Variants in CTNNA3 observed in about 807,000 individuals in gnomAD.
CTNNA3 encodes catenin alpha 3.
In CTNNA3, 76 loss-of-function variants were observed where a neutral mutation model predicts 95.7. That is an observed-to-expected ratio of 0.79 (90% CI 0.66 to 0.96). The LOEUF (loss-of-function observed/expected upper bound fraction) is 0.96. Ranked by LOEUF, CTNNA3 falls within the 40% of genes least tolerant of loss-of-function variation. The probability of loss-of-function intolerance (pLI) is 0.00; values close to 1 mark genes in which losing one functional copy is unlikely to be tolerated. For synonymous variants in CTNNA3, 431 were observed against 374.4 expected (o/e 1.15, Z -1.74); for missense variants, 1,191 against 1,089.8 (o/e 1.09, Z -1.31).
chr10:66,048,687 G>GGAGGC (rs1376191428), intron 15 of CTNNA3, among the ~76,000 whole-genome samples: 2 of 152,116 alleles, frequency 1.3e-5, no homozygotes, highest in African/African-American at 4.8e-5. Flanking sequence ...CATGAACCTG[G>GGAGGC]GAGGCAGAGC....
chr10:66,449,587 T>C (rs2093448766), intron 11 of CTNNA3, among the ~76,000 whole-genome samples: 1 of 152,114 alleles, frequency 6.6e-6, no homozygotes, highest in African/African-American at 2.4e-5. Context: ...GAAAGCTTTT[T>C]CAATTCCAGG....
intron 1 of CTNNA3, among the ~76,000 whole-genome samples, chr10:67,749,879 G>C (rs1432508269): frequency 2.6e-5 from 4 of 152,094 alleles, no homozygotes; most frequent in Non-Finnish European, 5.9e-5. Context: ...TCCAGGAGCT[G>C]GTTTTTTGAA....
chr10:67,533,051 C>T (rs569025977), intron 4 of CTNNA3, among the ~76,000 whole-genome samples: 6 of 152,206 alleles, frequency 3.9e-5, no homozygotes, highest in Non-Finnish European at 5.9e-5. Flanking sequence ...AAGGTGGGCA[C>T]GGTGGCGGAC....
chr10:66,186,761 G>A (rs1006495057), intron 13 of CTNNA3, among the ~76,000 whole-genome samples: 1 of 152,054 alleles, frequency 6.6e-6, no homozygotes, highest in African/African-American at 2.4e-5. Context: ...ATTTGGTGTC[G>A]TTGTGGGCAG....
chr10:66,051,242 C>A (rs760858434), intron 15 of CTNNA3, among the ~76,000 whole-genome samples: 3 of 152,142 alleles, frequency 2.0e-5, no homozygotes, highest in African/African-American at 7.2e-5. Flanking sequence ...GAAATTGAGT[C>A]CAAATTCAGA....
intron 11 of CTNNA3, among the ~76,000 whole-genome samples, chr10:66,404,165 A>C (rs2093039996): frequency 6.6e-6 from 1 of 151,970 alleles, no homozygotes; most frequent in Admixed American, 6.6e-5. Flanking sequence ...ACTCAGAGGC[A>C]GACTCAGTAC....
intron 5 of CTNNA3, among the ~76,000 whole-genome samples, chr10:67,245,630 C>T (rs556098554): frequency 6.6e-5 from 10 of 152,152 alleles, no homozygotes; most frequent in East Asian, 1.9e-4. Context: ...GAGGCCGAGG[C>T]GGGCGGATCA....
chr10:66,477,767 T>C lies in CTNNA3; in HGVS notation c.1531+42850A>G, dbSNP rs781474792. On this transcript the variant is annotated intron_variant, in intron 11 of 17. Coordinates refer to ENST00000433211, the MANE Select transcript of CTNNA3 (RefSeq NM_013266.4). ...GCCCTTCATATCACAAATACTCACATAAAATATTTGTTAGATAAATTATGG... is the reference window on the plus strand; with the variant it reads ...GCCCTTCATATCACAAATACTCACACAAAATATTTGTTAGATAAATTATGG... 1.8e-4 allele frequency among the ~76,000 whole-genome samples: 27 copies of C among 152,158 alleles called. 1 individual carries two copies. Among genetic ancestry groups the C allele is most frequent in the Non-Finnish European group, 2.5e-4 (17 of 67,958 alleles).
chr10:66,224,992 A>G (rs1384405024), intron 13 of CTNNA3, among the ~76,000 whole-genome samples: 1 of 152,256 alleles, frequency 6.6e-6, no homozygotes, highest in African/African-American at 2.4e-5. Context: ...ATGAAATCAG[A>G]ATAATTATAT....
At chr10:67,153,383 T>C (rs1270471694) in intron 7 of CTNNA3, among the ~76,000 whole-genome samples, 3 of 152,254 alleles carry the variant, frequency 2.0e-5, no homozygotes, top group African/African-American at 7.2e-5. Context: ...AAGCCTCTCA[T>C]GTGATAATAA....
At chr10:67,196,918 G>A (rs1863398339) in intron 6 of CTNNA3, among the ~76,000 whole-genome samples, 1 of 151,976 alleles carries the variant, frequency 6.6e-6, no homozygotes, top group African/African-American at 2.4e-5. Flanking sequence ...GTGTTTACAT[G>A]TTTGTGTTTT....
intron 9 of CTNNA3, among the ~76,000 whole-genome samples, chr10:66,662,902 A>G (rs1347886596): frequency 6.6e-6 from 1 of 152,108 alleles, no homozygotes; most frequent in Non-Finnish European, 1.5e-5. Context: ...TTCCTCCTTC[A>G]CATAAATCCT....
At chr10:66,340,097 T>C (rs563609787) in intron 12 of CTNNA3, among the ~76,000 whole-genome samples, 1 of 151,924 alleles carries the variant, frequency 6.6e-6, no homozygotes, top group African/African-American at 2.4e-5. Flanking sequence ...TATTTGTGGG[T>C]CTTGGTTGAC....
At chr10:67,650,403 ATAACAAAAT>A (rs1479200341) in intron 1 of CTNNA3, among the ~76,000 whole-genome samples, 3 of 152,218 alleles carry the variant, frequency 2.0e-5, no homozygotes, top group African/African-American at 7.2e-5. Context: ...GAGAGAGACT[ATAACAAAAT>A]TCCAGTTTTC....
rs919586031 is a variant in CTNNA3 at position 66,145,692 on chromosome 10, G to C, written c.1885-42443C>G. On this transcript the variant is annotated intron_variant, in intron 13 of 17. Coordinates refer to ENST00000433211, the MANE Select transcript of CTNNA3 (RefSeq NM_013266.4). ...AGCTTATTGCAAAGCAAGTAACAGG[G>C]AAGGGAATGAGCCTCCAGGGTCATC... 3.4e-4 allele frequency among the ~76,000 whole-genome samples: 51 copies of C among 152,158 alleles called. 1 individual carries two copies. Among genetic ancestry groups the C allele is most frequent in the Admixed American group, 3.2e-3 (49 of 15,270 alleles).
At chr10:66,214,055 G>A (rs1032036039) in intron 13 of CTNNA3, among the ~76,000 whole-genome samples, 2 of 152,290 alleles carry the variant, frequency 1.3e-5, no homozygotes, top group East Asian at 3.9e-4. Context: ...TAGGCATTGT[G>A]TTCAGCAGTC....
intron 15 of CTNNA3, among the ~76,000 whole-genome samples, chr10:66,003,756 T>C (rs2078822291): frequency 6.6e-6 from 1 of 152,202 alleles, no homozygotes; most frequent in African/African-American, 2.4e-5. Context: ...AAACATAACA[T>C]AATAACAAAC....
In CTNNA3 at chr10:67,291,046, G is replaced by A. The variant is rs367686073; in HGVS notation, c.580-71176C>T. ...ACATAAGGTTGAAAGGATGGACTCCGGAGTCAGATGCACAAGGATTCACAT... is the reference window on the plus strand; with the variant it reads ...ACATAAGGTTGAAAGGATGGACTCCAGAGTCAGATGCACAAGGATTCACAT... On this transcript the variant is annotated intron_variant, in intron 5 of 17. Coordinates refer to ENST00000433211, the MANE Select transcript of CTNNA3 (RefSeq NM_013266.4). Among the ~76,000 whole-genome samples, 22 of 152,170 alleles carry A rather than the reference G, an allele frequency of 1.4e-4. No homozygotes were observed. In the East Asian group the frequency reaches 3.1e-3, roughly 21 times the overall value.
At chr10:67,679,895 C>A (rs371874441) in intron 1 of CTNNA3, among the ~76,000 whole-genome samples, 1 of 152,028 alleles carries the variant, frequency 6.6e-6, no homozygotes, top group Non-Finnish European at 1.5e-5. Flanking sequence ...TCTGAACATA[C>A]GAACAAAGAT....
Sources: allele counts gnomAD v4.1 joint callset (sites outside exome capture counted in the v4.1 genomes callset), GRCh38; gene constraint gnomAD v4.1.1; transcripts MANE v1.5; gene names NCBI Gene and HGNC (gene_info 2026-07-23, HGNC 2026-07-21).